NEBL: variants seen among roughly 807,000 people sequenced by gnomAD.
The protein encoded by NEBL is nebulette.
A neutral mutation model predicts 140.2 loss-of-function variants in NEBL; 122 were observed. The observed-to-expected ratio is 0.87, with a 90% CI of 0.75 to 1.01. The LOEUF (loss-of-function observed/expected upper bound fraction) is 1.01, where lower values mean the gene tolerates loss of function less well. NEBL is among the 50% of genes least tolerant of loss of function. The pLI is 0.00. For synonymous variants in NEBL, 436 were observed against 398.9 expected (o/e 1.09, Z -1.11); for missense variants, 1,365 against 1,231.3 (o/e 1.11, Z -1.62).
chr10:20,793,798 C>T (rs945330536), intron 26 of NEBL, among the ~76,000 whole-genome samples: 1 of 152,122 alleles, frequency 6.6e-6, no homozygotes, highest in Non-Finnish European at 1.5e-5. Context: ...TCAAGCCATC[C>T]ATCCACCTTG....
chr10:21,246,487 T>C (rs1842517887), intron 3 of NEBL, among the ~76,000 whole-genome samples: 2 of 151,290 alleles, frequency 1.3e-5, no homozygotes, highest in Admixed American at 6.6e-5. Flanking sequence ...AAGTGAGTCC[T>C]TTTTTTTTAA....
chr10:21,166,510 T>C (rs749063902), intron 2 of NEBL, among the ~76,000 whole-genome samples: 5 of 152,180 alleles, frequency 3.3e-5, no homozygotes, highest in Non-Finnish European at 5.9e-5. Flanking sequence ...CTCTTCTCTC[T>C]TCCCCACTCT....
At chr10:20,852,086 T>A (rs891824329) in intron 10 of NEBL, among the ~76,000 whole-genome samples, 1 of 152,148 alleles carries the variant, frequency 6.6e-6, no homozygotes, top group Non-Finnish European at 1.5e-5. Flanking sequence ...GTACCTAGAA[T>A]TTCATATTGG....
intron 1 of NEBL, among the ~76,000 whole-genome samples, chr10:21,275,885 C>T (rs1268723362): frequency 1.6e-4 from 24 of 148,434 alleles, no homozygotes; most frequent in African/African-American, 5.5e-4. Context: ...CTTGAATTCC[C>T]GACCTCAGGC....
At chr10:21,123,432 T>G in intron 2 of NEBL, among the ~76,000 whole-genome samples, 1 of 152,214 alleles carries the variant, frequency 6.6e-6, no homozygotes, top group East Asian at 1.9e-4. Context: ...TTAAAGTTCT[T>G]TATCATCAAC....
At chr10:20,811,780 C>T (rs1249717371) in intron 24 of NEBL, among the ~76,000 whole-genome samples, 1 of 152,148 alleles carries the variant, frequency 6.6e-6, no homozygotes, top group Non-Finnish European at 1.5e-5. Context: ...TACTGAGTGG[C>T]ATATACCAAA....
intron 3 of NEBL, among the ~76,000 whole-genome samples, chr10:20,982,740 T>C (rs1342312878): frequency 6.6e-6 from 1 of 152,160 alleles, no homozygotes; most frequent in African/African-American, 2.4e-5. Flanking sequence ...AAAAAATTTC[T>C]CACTATCTTT....
chr10:20,904,348 G>T (rs1564435639), intron 4 of NEBL, among the ~76,000 whole-genome samples: 1 of 152,102 alleles, frequency 6.6e-6, no homozygotes, highest in Non-Finnish European at 1.5e-5. Flanking sequence ...CAACTGTAAG[G>T]TCTTATGGGT....
intron 2 of NEBL, among the ~76,000 whole-genome samples, chr10:21,133,514 T>C (rs1345750928): frequency 6.6e-6 from 1 of 152,192 alleles, no homozygotes; most frequent in East Asian, 1.9e-4. Context: ...AGTCAAGTTA[T>C]TCTCTTTTCT....
At chr10:20,827,423 T>G (rs190323494) in intron 17 of NEBL, among the ~76,000 whole-genome samples, 47 of 152,364 alleles carry the variant, frequency 3.1e-4, no homozygotes, top group Admixed American at 3.0e-3. Context: ...CTCTGAGAGC[T>G]GGCGCTTGCC....
At chr10:21,134,939 A>T (rs571677121) in intron 2 of NEBL, among the ~76,000 whole-genome samples, 1 of 152,214 alleles carries the variant, frequency 6.6e-6, no homozygotes, top group Non-Finnish European at 1.5e-5. Flanking sequence ...ATGTACACAC[A>T]TCACACACAC....
At chr10:20,993,994 T>A (rs1837569608) in intron 3 of NEBL, among the ~76,000 whole-genome samples, 1 of 152,074 alleles carries the variant, frequency 6.6e-6, no homozygotes, top group Non-Finnish European at 1.5e-5. Context: ...AATGTCAAAT[T>A]AAACCACAGC....
Position 21,118,123 on chromosome 10 carries a change from T to C in NEBL, c.164+54260A>G, listed in dbSNP as rs1040125784. Among the ~76,000 whole-genome samples, 30 of 152,030 alleles carry C rather than the reference T, an allele frequency of 2.0e-4. 1 individual carries two copies. The highest frequency in any genetic ancestry group is 3.9e-4 in the Admixed American group (6 of 15,244). On this transcript the variant is annotated intron_variant, in intron 2 of 6. Transcript: ENST00000417816. ...GGCTGGTGCAGCACCCCACAGCCAC[T>C]ACCAATGAAAACTACAGCCTACACC...
At chr10:21,176,430 CAG>C (rs748895386), upstream of NEBL, among the ~76,000 whole-genome samples, 14 of 152,172 alleles carry the variant, frequency 9.2e-5, no homozygotes, top group Non-Finnish European at 1.3e-4. Context: ...GATACATGCT[CAG>C]AGTTACATTT....
intron 26 of NEBL, chr10:20,793,437 T>G (rs1836198054): frequency 4.0e-6 from 3 of 755,978 alleles, no homozygotes; most frequent in Non-Finnish European, 1.6e-6. Flanking sequence ...TTACTTGCAG[T>G]GTTTTCAACC....
At chr10:21,280,778 C>T (rs978207007) in intron 1 of NEBL, among the ~76,000 whole-genome samples, 23 of 151,910 alleles carry the variant, frequency 1.5e-4, no homozygotes, top group African/African-American at 4.8e-4. Flanking sequence ...TCGCGCATGG[C>T]TAATTGTTGT....
At chr10:21,102,076 T>C (rs145986129) in intron 2 of NEBL, among the ~76,000 whole-genome samples, 2 of 152,202 alleles carry the variant, frequency 1.3e-5, no homozygotes, top group Admixed American at 1.3e-4. Flanking sequence ...TCCTGAACAA[T>C]TCATTTTACT....
At chr10:20,850,945 C>T (rs952873864) in intron 10 of NEBL, among the ~76,000 whole-genome samples, 10 of 152,158 alleles carry the variant, frequency 6.6e-5, no homozygotes, top group Non-Finnish European at 1.0e-4. Flanking sequence ...TTCTGTCAAA[C>T]GGAGGAGGAT....
chr10:21,092,613 ATAATAATAATAATAAT>A (rs1367001256), intron 2 of NEBL, among the ~76,000 whole-genome samples: 1 of 148,682 alleles, frequency 6.7e-6, no homozygotes, highest in African/African-American at 2.4e-5. Context: ...AATAATAATA[ATAATAATAATAATAAT>A]GGCTCACCAC....
Sources: allele counts gnomAD v4.1 joint callset (sites outside exome capture counted in the v4.1 genomes callset), GRCh38; gene constraint gnomAD v4.1.1; transcripts MANE v1.5; gene names NCBI Gene and HGNC (gene_info 2026-07-23, HGNC 2026-07-21).